The following ADGRA1 variants were observed in gnomAD, a reference collection of about 807,000 sequenced individuals.
The protein encoded by ADGRA1 is G-protein coupled receptor 123.
Under a neutral mutation model 21.3 loss-of-function variants are expected in ADGRA1, and 12 were observed. The observed-to-expected ratio is 0.56, with a 90% CI of 0.36 to 0.91. ADGRA1 has a LOEUF of 0.91. Ranked by LOEUF, ADGRA1 falls within the 40% of genes least tolerant of loss-of-function variation. ADGRA1 has a pLI of 0.01. For synonymous variants in ADGRA1, 385 were observed against 368.8 expected (o/e 1.04, Z -0.50); for missense variants, 790 against 805.6 (o/e 0.98, Z 0.23).
At chr10:133,126,704 C>T (rs1440071149) in intron 5 of ADGRA1, among the ~76,000 whole-genome samples, 1 of 152,234 alleles carries the variant, frequency 6.6e-6, no homozygotes, top group East Asian at 1.9e-4. Flanking sequence ...GGATGAGACT[C>T]TGCCCCTCCA....
chr10:133,101,047 C>T (rs1054252026), intron 4 of ADGRA1, among the ~76,000 whole-genome samples: 11 of 152,236 alleles, frequency 7.2e-5, no homozygotes, highest in East Asian at 3.8e-4. Context: ...ATTGATCTAA[C>T]GCTGAGGCCA....
At chr10:133,113,526 G>A (rs989098525) in intron 5 of ADGRA1, among the ~76,000 whole-genome samples, 34 of 152,318 alleles carry the variant, frequency 2.2e-4, no homozygotes, top group African/African-American at 6.5e-4. Context: ...CCGTGGCCAC[G>A]CACTGGGCCT....
Position 133,131,657 on chromosome 10 carries a change from C to G in ADGRA1, c.*2146C>G, listed in dbSNP as rs928834295. 5 of 152,522 alleles carry G rather than the reference C, an allele frequency of 3.3e-5. No individual in the cohort carries two copies. The highest frequency in any genetic ancestry group is 9.6e-5 in the African/African-American group (4 of 41,464). 9.4% of individuals were successfully genotyped at this position (152,522 alleles called of 1,614,324 possible). ...AAAGTCAACATTGAACATTAAACCT[C>G]TGTGTGTTTCTATACTGACTTAGCC... On this transcript the variant is annotated 3_prime_UTR_variant, in exon 7 of 7. Transcript: ENST00000392607.
At chr10:133,108,554 G>T (rs1851932058) in intron 5 of ADGRA1, among the ~76,000 whole-genome samples, 1 of 152,050 alleles carries the variant, frequency 6.6e-6, no homozygotes, top group African/African-American at 2.4e-5. Flanking sequence ...CCCTCACAGT[G>T]GTGCCTCCTT....
chr10:133,100,207 G>A (rs1183787893), intron 4 of ADGRA1, among the ~76,000 whole-genome samples: 1 of 152,242 alleles, frequency 6.6e-6, no homozygotes, highest in Non-Finnish European at 1.5e-5. Context: ...GGCCCCGGCG[G>A]AGGAGTCGCT....
At chr10:133,122,341 G>A (rs1320129862) in intron 5 of ADGRA1, among the ~76,000 whole-genome samples, 2 of 152,194 alleles carry the variant, frequency 1.3e-5, no homozygotes, top group African/African-American at 2.4e-5. Flanking sequence ...CCGTTTCCCC[G>A]TGTCCCAGCG....
chr10:133,108,105 T>C (rs1851924477), intron 5 of ADGRA1, among the ~76,000 whole-genome samples: 1 of 151,986 alleles, frequency 6.6e-6, no homozygotes, highest in Non-Finnish European at 1.5e-5. Context: ...GGCCAGGGAG[T>C]GCCTCAAGGT....
intron 5 of ADGRA1, among the ~76,000 whole-genome samples, chr10:133,117,908 C>T (rs1306048293): frequency 2.0e-5 from 3 of 152,246 alleles, no homozygotes; most frequent in East Asian, 3.8e-4. Context: ...CCCTGCCCCT[C>T]CCTTTGCCCA....
intron 2 of ADGRA1, 118 bp downstream of exon 2, chr10:133,089,030 G>C: frequency 8.1e-7 from 1 of 1,234,468 alleles, no homozygotes; most frequent in Non-Finnish European, 1.0e-6. Flanking sequence ...TGGTGACCGG[G>C]CTTCCGGGCT....
chr10:133,104,197 T>A (rs1224422238), intron 5 of ADGRA1, among the ~76,000 whole-genome samples: 6 of 152,260 alleles, frequency 3.9e-5, no homozygotes, highest in African/African-American at 1.4e-4. Flanking sequence ...TGTTTGATTT[T>A]CAGATCCACG....
intron 4 of ADGRA1, 79 bp downstream of exon 4, chr10:133,098,842 C>T (rs1851736889): frequency 1.3e-6 from 2 of 1,521,012 alleles, no homozygotes; most frequent in Non-Finnish European, 1.8e-6. Context: ...AATAATATTC[C>T]AGCGTTTGCT....
chr10:133,111,138 G>A (rs1484494019), intron 5 of ADGRA1, among the ~76,000 whole-genome samples: 5 of 99,174 alleles, frequency 5.0e-5, no homozygotes, highest in African/African-American at 1.5e-4. Flanking sequence ...CGCCAGGGGT[G>A]CCTCCTCTCC....
intron 5 of ADGRA1, among the ~76,000 whole-genome samples, chr10:133,122,118 G>A (rs1320066964): frequency 1.3e-5 from 2 of 152,246 alleles, no homozygotes; most frequent in African/African-American, 4.8e-5. Context: ...GTGGTGTAAG[G>A]AGAGGCGCAG....
intron 6 of ADGRA1, 135 bp downstream of exon 6, chr10:133,127,466 A>G: frequency 1.5e-6 from 1 of 670,622 alleles, no homozygotes; most frequent in Non-Finnish European, 2.5e-6. Flanking sequence ...GCTTGCCGAG[A>G]GCTGCGCCCC....
chr10:133,098,766 G>A lies in ADGRA1; in HGVS notation c.255+3G>A. 1 of 1,609,300 alleles carries A rather than the reference G, an allele frequency of 6.2e-7. No homozygotes were observed. The highest frequency in any genetic ancestry group is 1.3e-5 in the African/African-American group (1 of 74,966). ...AGTACCCCATCCTGTGCCAGGCGGT[G>A]AGTGCCGGGGCGCCCTCGTTGGCTC... On this transcript the variant is annotated splice_donor_region_variant and intron_variant, in intron 4 of 6. Coordinates refer to ENST00000392607, the MANE Select transcript of ADGRA1 (RefSeq NM_001083909.3).
intron 5 of ADGRA1, among the ~76,000 whole-genome samples, chr10:133,111,033 GC>G (rs1564848722): frequency 6.6e-6 from 1 of 151,920 alleles, no homozygotes; most frequent in Non-Finnish European, 1.5e-5. Flanking sequence ...GGTAGGCTGG[GC>G]CACCTGCCCA....
intron 5 of ADGRA1, 117 bp downstream of exon 5, chr10:133,102,959 C>G (rs549873882): frequency 7.1e-5 from 80 of 1,131,102 alleles, no homozygotes; most frequent in Non-Finnish European, 9.6e-5. Flanking sequence ...ATGATCCGGT[C>G]CATGGGGGAG....
chr10:133,115,003 G>A (rs1269370665), intron 5 of ADGRA1, among the ~76,000 whole-genome samples: 2 of 152,202 alleles, frequency 1.3e-5, no homozygotes, highest in East Asian at 1.9e-4. Flanking sequence ...CCCAGGGGCC[G>A]CAACTCCATG....
Position 133,089,817 on chromosome 10 carries a change from T to A in ADGRA1, c.3+905T>A, listed in dbSNP as rs112987480. 3.6e-3 allele frequency among the ~76,000 whole-genome samples: 552 copies of A among 152,342 alleles called. 3 individuals carry two copies. Among genetic ancestry groups the A allele is most frequent in the African/African-American group, 0.012 (517 of 41,590 alleles). ...ACATTCAGTATCGTCTTCCAGTGGC[T>A]GCTTCACCTCTGAGGCTGGCTGAGG... On this transcript the variant is annotated intron_variant, in intron 2 of 6. Transcript: ENST00000392607.
Sources: gnomAD v4.1 joint callset for allele counts (sites outside exome capture counted in the v4.1 genomes callset) on GRCh38, gnomAD v4.1.1 for gene constraint, MANE v1.5 for transcripts, NCBI Gene and HGNC (gene_info 2026-07-23, HGNC 2026-07-21) for gene names.